Variants in UBE2E2 observed in about 807,000 individuals in gnomAD.
The protein encoded by UBE2E2 is ubiquitin-conjugating enzyme E2 E2.
In UBE2E2, 6 loss-of-function variants were observed where a neutral mutation model predicts 24.7. The ratio of observed to expected loss-of-function variants is 0.24; its 90% CI spans 0.13 to 0.48. The LOEUF (loss-of-function observed/expected upper bound fraction) is 0.48, where lower values mean the gene tolerates loss of function less well. UBE2E2 is among the 20% of genes least tolerant of loss of function. The probability of loss-of-function intolerance (pLI) is 0.99; values close to 1 mark genes in which losing one functional copy is unlikely to be tolerated. For synonymous variants in UBE2E2, 104 were observed against 83.6 expected, an observed-to-expected ratio of 1.24 and a Z score of -1.33; for missense variants, 169 against 245.0, an observed-to-expected ratio of 0.69 and a Z score of 2.07.
In UBE2E2 at chr3:23,571,178, A is replaced by G. The variant is rs9842035; in HGVS notation, c.509-18556A>G. ...ATTACCTATTTAATTATAAGTTTGT[A>G]TAATGTTTTAATAATGGCTCCAGAG... On this transcript the variant is annotated intron_variant, in intron 5 of 5. Coordinates refer to ENST00000396703, the MANE Select transcript of UBE2E2 (RefSeq NM_152653.4). Among the ~76,000 whole-genome samples, 984 of 151,012 alleles carry G rather than the reference A, an allele frequency of 6.5e-3. 9 individuals are homozygous for G. Among genetic ancestry groups the G allele is most frequent in the African/African-American group, 0.022 (921 of 41,206 alleles).
chr3:23,244,798 T>C (rs1336811273), intron 3 of UBE2E2, among the ~76,000 whole-genome samples: 2 of 152,176 alleles, frequency 1.3e-5, no homozygotes, highest in Non-Finnish European at 2.9e-5. Context: ...TTTTGTATAC[T>C]TTGGTTCTGA....
intron 2 of UBE2E2, among the ~76,000 whole-genome samples, chr3:23,216,375 A>T (rs1229772591): frequency 6.6e-6 from 1 of 152,138 alleles, no homozygotes; most frequent in Non-Finnish European, 1.5e-5. Flanking sequence ...TTTGGTTTTT[A>T]AAGATACTTT....
At chr3:23,270,854 C>T (rs985520518) in intron 3 of UBE2E2, 4 of 452,872 alleles carry the variant, frequency 8.8e-6, no homozygotes, top group African/African-American at 8.0e-5. Flanking sequence ...TCAGGGAAAT[C>T]TAGTGTTTAA....
At chr3:23,432,816 C>T (rs1240543059) in intron 3 of UBE2E2, among the ~76,000 whole-genome samples, 2 of 151,624 alleles carry the variant, frequency 1.3e-5, no homozygotes, top group Non-Finnish European at 3.0e-5. Context: ...TTTTTTCTTG[C>T]CTTTGATAAT....
chr3:23,260,204 A>T (rs1304324288), intron 3 of UBE2E2, among the ~76,000 whole-genome samples: 2 of 152,156 alleles, frequency 1.3e-5, no homozygotes, highest in Non-Finnish European at 2.9e-5. Flanking sequence ...AGCCTAATGG[A>T]TATATTATGC....
At chr3:23,390,240 A>G (rs1336350567) in intron 3 of UBE2E2, among the ~76,000 whole-genome samples, 1 of 152,012 alleles carries the variant, frequency 6.6e-6, no homozygotes, top group African/African-American at 2.4e-5. Flanking sequence ...TCCCTCCCAA[A>G]TGTTACATTT....
chr3:23,299,240 G>T (rs911739421), intron 3 of UBE2E2, among the ~76,000 whole-genome samples: 2 of 152,040 alleles, frequency 1.3e-5, no homozygotes, highest in Middle Eastern at 3.2e-3. Context: ...ACCAGCTCCT[G>T]GTTTCATTAA....
chr3:23,462,797 C>A (rs887740977), intron 3 of UBE2E2, among the ~76,000 whole-genome samples: 1 of 152,110 alleles, frequency 6.6e-6, no homozygotes, highest in Non-Finnish European at 1.5e-5. Context: ...AGTTCTTTTA[C>A]GTCAGGGGGT....
chr3:23,435,283 A>G (rs1002045491), intron 3 of UBE2E2, among the ~76,000 whole-genome samples: 2 of 152,250 alleles, frequency 1.3e-5, no homozygotes, highest in Non-Finnish European at 2.9e-5. Context: ...ACAACACACA[A>G]TAATAACTGC....
chr3:23,284,398 T>G (rs1345370820), intron 3 of UBE2E2, among the ~76,000 whole-genome samples: 1 of 152,180 alleles, frequency 6.6e-6, no homozygotes, highest in Non-Finnish European at 1.5e-5. Flanking sequence ...TAAAATAACG[T>G]AAGGTGATCT....
intron 2 of UBE2E2, among the ~76,000 whole-genome samples, chr3:23,212,100 T>C (rs1422771679): frequency 2.0e-5 from 3 of 152,238 alleles, no homozygotes; most frequent in Non-Finnish European, 4.4e-5. Flanking sequence ...GCAGTAATTA[T>C]AGAATTAATA....
intron 5 of UBE2E2, among the ~76,000 whole-genome samples, chr3:23,563,031 C>T (rs1695973779): frequency 6.6e-6 from 1 of 152,066 alleles, no homozygotes; most frequent in Non-Finnish European, 1.5e-5. Context: ...CTCCTGGATT[C>T]ATTGATTTTT....
intron 3 of UBE2E2, among the ~76,000 whole-genome samples, chr3:23,466,991 A>C (rs1293600914): frequency 3.9e-5 from 6 of 152,340 alleles, no homozygotes; most frequent in East Asian, 1.9e-4. Flanking sequence ...GCAAAAGAAC[A>C]ATTATTTTTC....
intron 3 of UBE2E2, among the ~76,000 whole-genome samples, chr3:23,237,668 A>G (rs930174003): frequency 6.6e-6 from 1 of 152,086 alleles, no homozygotes; most frequent in Non-Finnish European, 1.5e-5. Context: ...TGAAATCTTT[A>G]ATTTTTTTAC....
At chr3:23,572,870 G>C (rs1231035210) in intron 5 of UBE2E2, among the ~76,000 whole-genome samples, 1 of 152,134 alleles carries the variant, frequency 6.6e-6, no homozygotes, top group Non-Finnish European at 1.5e-5. Flanking sequence ...CTTTTTGGTA[G>C]AACAATCTAT....
chr3:23,284,042 C>T (rs1698549839), intron 3 of UBE2E2, among the ~76,000 whole-genome samples: 1 of 152,070 alleles, frequency 6.6e-6, no homozygotes, highest in African/African-American at 2.4e-5. Context: ...GGAATAAACC[C>T]ATTTTGTGAG....
rs192270671 is a variant in UBE2E2, at chr3:23,474,646, G to A, written c.228-24962G>A. 2.0e-4 allele frequency among the ~76,000 whole-genome samples: 30 copies of A among 152,190 alleles called. No individual in the cohort carries two copies. Among genetic ancestry groups the A allele is most frequent in the Non-Finnish European group, 3.1e-4 (21 of 68,026 alleles). On this transcript the variant is annotated intron_variant, in intron 3 of 5. Coordinates refer to ENST00000396703, the MANE Select transcript of UBE2E2 (RefSeq NM_152653.4). This position sits in a 1 kb window ranked among gnomAD's most constrained non-coding sequence, Gnocchi z 4.0. ...TTTACCCTGGTCACACAACTGGAATGGCAGTCTAGAATAAAACTATGCTGT... is the reference window on the plus strand; with the variant it reads ...TTTACCCTGGTCACACAACTGGAATAGCAGTCTAGAATAAAACTATGCTGT...
At chr3:23,361,674 AAAG>A (rs1696117282) in intron 3 of UBE2E2, among the ~76,000 whole-genome samples, 1 of 152,172 alleles carries the variant, frequency 6.6e-6, no homozygotes, top group Admixed American at 6.5e-5. Context: ...GGACTCAAGG[AAAG>A]GTTGGGAGCA....
At chr3:23,366,798 A>C (rs1022090386) in intron 3 of UBE2E2, among the ~76,000 whole-genome samples, 1 of 152,192 alleles carries the variant, frequency 6.6e-6, no homozygotes, top group African/African-American at 2.4e-5. Flanking sequence ...ATACCCTGGG[A>C]TCAGACATTT....
Sources: allele counts gnomAD v4.1 joint callset (sites outside exome capture counted in the v4.1 genomes callset), GRCh38; gene constraint gnomAD v4.1.1; non-coding constraint Gnocchi (gnomAD v3.1); transcripts MANE v1.5; gene names NCBI Gene and HGNC (gene_info 2026-07-23, HGNC 2026-07-21).